SPATA17: variants seen among roughly 807,000 people sequenced by gnomAD.
SPATA17 encodes spermatogenesis-associated protein 17.
SPATA17 carries 53 observed loss-of-function variants against 62.2 expected under a neutral mutation model. That is an observed-to-expected ratio of 0.85 (90% CI 0.68 to 1.07). The LOEUF (loss-of-function observed/expected upper bound fraction) is 1.07. Among genes scored for constraint, SPATA17 ranks in the 50% least tolerant of loss-of-function variants. The probability of loss-of-function intolerance (pLI) is 0.00; values close to 1 mark genes in which losing one functional copy is unlikely to be tolerated. For missense variants in SPATA17, 466 were observed against 425.5 expected (o/e 1.10, Z -0.84); for synonymous variants, 146 against 146.8 (o/e 0.99, Z 0.04).
intron 5 of SPATA17, among the ~76,000 whole-genome samples, chr1:217,692,674 C>A (rs1671367036): frequency 8.5e-6 from 1 of 117,490 alleles, no homozygotes; most frequent in African/African-American, 3.3e-5. Context: ...CCATCAATAC[C>A]TAATTTCTTG....
At chr1:217,644,811 A>G (rs926881650) in intron 1 of SPATA17, among the ~76,000 whole-genome samples, 4 of 152,048 alleles carry the variant, frequency 2.6e-5, no homozygotes, top group Non-Finnish European at 5.9e-5. Context: ...GTCTTTCATC[A>G]TTATTAATTC....
chr1:217,843,467 A>AT (rs1285661479), intron 9 of SPATA17, among the ~76,000 whole-genome samples: 2 of 152,088 alleles, frequency 1.3e-5, no homozygotes, highest in South Asian at 2.1e-4. Flanking sequence ...AAAAAATGAA[A>AT]TTTTTTTGAT....
chr1:217,714,106 G>A (rs112810423), intron 5 of SPATA17, among the ~76,000 whole-genome samples: 1,601 of 152,162 alleles, frequency 0.011, 26 homozygotes, highest in African/African-American at 0.031. Flanking sequence ...GAGAACCATC[G>A]GCTGGGCACG....
chr1:217,820,833 G>A, intron 9 of SPATA17, among the ~76,000 whole-genome samples: 1 of 151,844 alleles, frequency 6.6e-6, no homozygotes, highest in East Asian at 1.9e-4. Context: ...GCTATCTACA[G>A]GAATACCTGA....
intron 6 of SPATA17, among the ~76,000 whole-genome samples, chr1:217,748,732 A>G (rs77735189): frequency 0.024 from 3,340 of 141,686 alleles, 137 homozygotes; most frequent in African/African-American, 0.083. Flanking sequence ...TGGCAGAGCA[A>G]GACTCTGACT....
At chr1:217,855,778 G>A (rs1297290861) in intron 9 of SPATA17, among the ~76,000 whole-genome samples, 1 of 144,726 alleles carries the variant, frequency 6.9e-6, no homozygotes, top group Non-Finnish European at 1.5e-5. Flanking sequence ...CCAGGCTGGA[G>A]TGCACTGGCA....
At chr1:217,785,422 G>A (rs1449296372) in intron 8 of SPATA17, among the ~76,000 whole-genome samples, 1 of 152,126 alleles carries the variant, frequency 6.6e-6, no homozygotes, top group Non-Finnish European at 1.5e-5. Context: ...TGAAGAGGAA[G>A]CAAGCACATC....
At position 217,677,363 on chromosome 1, in the gene SPATA17, C is replaced by T. The variant is rs1029381888; in HGVS notation, c.292-5895C>T. On this transcript the variant is annotated intron_variant, in intron 4 of 10. Coordinates refer to ENST00000366933, the MANE Select transcript of SPATA17 (RefSeq NM_138796.4). ...AATATGTGTCAGATATATAAAGATT[C>T]GTCTCAATCCCTTAAAGTACTTACC... 5.9e-5 allele frequency among the ~76,000 whole-genome samples: 9 copies of T among 151,764 alleles called. No individual in the cohort carries two copies. In the South Asian group the frequency reaches 1.0e-3, roughly 18 times the overall value.
intron 1 of SPATA17, among the ~76,000 whole-genome samples, chr1:217,639,467 G>T (rs959442588): frequency 4.0e-5 from 6 of 151,756 alleles, no homozygotes; most frequent in Admixed American, 2.6e-4. Context: ...AATTAAATTG[G>T]AACAAAGATC....
intron 1 of SPATA17, among the ~76,000 whole-genome samples, chr1:217,646,762 G>T (rs916447904): frequency 1.3e-5 from 2 of 152,092 alleles, no homozygotes; most frequent in Admixed American, 6.6e-5. Context: ...AGGCATGGTG[G>T]CGTGCACCTG....
At chr1:217,830,444 A>G (rs1351638930) in intron 9 of SPATA17, among the ~76,000 whole-genome samples, 1 of 152,082 alleles carries the variant, frequency 6.6e-6, no homozygotes, top group Non-Finnish European at 1.5e-5. Context: ...CTCGACTCAA[A>G]CAGGGCTCCA....
intron 6 of SPATA17, among the ~76,000 whole-genome samples, chr1:217,770,082 T>C (rs79169784): frequency 0.11 from 17,311 of 152,230 alleles, 1,243 homozygotes; most frequent in Non-Finnish European, 0.16. Flanking sequence ...CACAGTTCTT[T>C]GGCCACTTGT....
intron 8 of SPATA17, among the ~76,000 whole-genome samples, chr1:217,786,808 T>TTCTTCTTCTTCTTCTTCTTCC: frequency 6.8e-6 from 1 of 147,552 alleles, no homozygotes; most frequent in African/African-American, 2.5e-5. Context: ...CTTCTTCTTC[T>TTCTTCTTCTTCTTCTTCTTCC]TCTTCCTCTG....
intron 9 of SPATA17, among the ~76,000 whole-genome samples, chr1:217,807,943 A>C (rs186665144): frequency 2.6e-5 from 4 of 152,188 alleles, no homozygotes; most frequent in Non-Finnish European, 5.9e-5. Context: ...ACAAGAGAAA[A>C]ACCCAGTCAA....
At position 217,652,365 on chromosome 1, in the gene SPATA17, G is replaced by A. The variant is rs1262427610; in HGVS notation, c.240+1187G>A. Among the ~76,000 whole-genome samples the A allele has an allele frequency of 2.0e-5, 3 of 152,102 alleles. No individual in the cohort carries two copies. In the East Asian group the frequency reaches 5.8e-4, roughly 29 times the overall value. On this transcript the variant is annotated intron_variant, in intron 3 of 10. Coordinates refer to ENST00000366933, the MANE Select transcript of SPATA17 (RefSeq NM_138796.4). The stretch of plus-strand genomic sequence containing the variant: ...TCCTGCCTTAGCTTTCTGAGTAGCT[G>A]GGATTACAGGCTCCAGCCACCACAC...
chr1:217,734,379 A>C (rs1672464121), intron 5 of SPATA17, among the ~76,000 whole-genome samples: 1 of 152,062 alleles, frequency 6.6e-6, no homozygotes, highest in Admixed American at 6.6e-5. Context: ...AATTTGTTTA[A>C]TTTTTTGGAG....
At chr1:217,700,729 G>A (rs1281655190) in intron 5 of SPATA17, among the ~76,000 whole-genome samples, 1 of 151,246 alleles carries the variant, frequency 6.6e-6, no homozygotes, top group Admixed American at 6.6e-5. Flanking sequence ...AGAGGCTACA[G>A]GCATGCGCCG....
intron 3 of SPATA17, 139 bp downstream of exon 3, chr1:217,651,317 A>G: frequency 1.7e-6 from 1 of 605,620 alleles, no homozygotes; most frequent in Non-Finnish European, 2.8e-6. Context: ...CTTAATTTTT[A>G]GTATGAGACC....
intron 5 of SPATA17, among the ~76,000 whole-genome samples, chr1:217,683,873 G>A (rs1379150423): frequency 1.3e-5 from 2 of 151,982 alleles, no homozygotes; most frequent in African/African-American, 4.8e-5. Flanking sequence ...AGTTATTTAT[G>A]TGTGTAGTAT....
Sources: gnomAD v4.1 joint callset for allele counts (sites outside exome capture counted in the v4.1 genomes callset) on GRCh38, gnomAD v4.1.1 for gene constraint, MANE v1.5 for transcripts, NCBI Gene and HGNC (gene_info 2026-07-23, HGNC 2026-07-21) for gene names.